CR1L: variants seen among roughly 807,000 people sequenced by gnomAD.
CR1L encodes the protein complement component receptor 1-like protein.
CR1L carries 59 observed loss-of-function variants against 62.3 expected under a neutral mutation model. That is an observed-to-expected ratio of 0.95 (90% confidence interval 0.77 to 1.18). The LOEUF (loss-of-function observed/expected upper bound fraction) is 1.18. Among genes scored for constraint, CR1L ranks in the 50% most tolerant of loss-of-function variants. The probability of loss-of-function intolerance (pLI) is 0.00; values close to 1 mark genes in which losing one functional copy is unlikely to be tolerated. For synonymous variants in CR1L, 279 were observed against 248.7 expected (o/e 1.12, Z -1.15); for missense variants, 700 against 702.8 (o/e 1.00, Z 0.04).
chr1:207,709,992 A>G (rs773086023), intron 10 of CR1L, among the ~76,000 whole-genome samples: 14 of 152,206 alleles, frequency 9.2e-5, no homozygotes, highest in Non-Finnish European at 1.9e-4. Flanking sequence ...GTGAATATTT[A>G]CTTCCGGTAA....
intron 1 of CR1L, among the ~76,000 whole-genome samples, chr1:207,667,472 A>G (rs1219741364): frequency 6.6e-6 from 1 of 152,164 alleles, no homozygotes; most frequent in Non-Finnish European, 1.5e-5. Context: ...GATCCCTGTG[A>G]TCATATCAGG....
chr1:207,721,336 TC>T (rs1352022400), intron 11 of CR1L, among the ~76,000 whole-genome samples: 7 of 84,848 alleles, frequency 8.3e-5, no homozygotes, highest in Non-Finnish European at 1.4e-4. Flanking sequence ...ATTCTATCCC[TC>T]CCCCCTCCCC....
intron 10 of CR1L, among the ~76,000 whole-genome samples, chr1:207,715,603 T>A (rs1199818922): frequency 6.6e-6 from 1 of 152,236 alleles, no homozygotes; most frequent in African/African-American, 2.4e-5. Context: ...AATGACTGTT[T>A]AATTTTGTGG....
Position 207,645,758 on chromosome 1 carries a change from A to G in CR1L, c.97+428A>G, listed in dbSNP as rs536483652. On this transcript the variant is annotated intron_variant, in intron 1 of 11. Transcript: ENST00000508064. The stretch of plus-strand genomic sequence containing the variant: ...GTGTTCCCTTGGTGCCTTGGTGAGT[A>G]GGGTGTTCATTAGGGCTTGGACAGT... Among the ~76,000 whole-genome samples the G allele has an allele frequency of 1.2e-4, 18 of 152,112 alleles. 1 individual carries two copies. The highest frequency in any genetic ancestry group is 3.6e-4 in the African/African-American group (15 of 41,486).
In CR1L at chr1:207,697,675, T is replaced by C; in HGVS notation, c.1035T>C (p.Cys345=). 1 of 1,614,012 alleles carries C rather than the reference T, an allele frequency of 6.2e-7. No homozygotes were observed. The highest frequency in any genetic ancestry group is 8.5e-7 in the Non-Finnish European group (1 of 1,179,890). The change falls in exon 6 of 12, where the codon TGT becomes TGC. Residue 345 remains cysteine (C), a synonymous_variant. Transcript: ENST00000508064. ...QGDWSPAAPR[C]EVKSCDDFLG... ...ACTGGAGCCCTGCAGCCCCCAGATG[T>C]GAAGGTGACTAGACTCTTATCTGGC...
At chr1:207,716,957 T>C (rs1210966259) in intron 10 of CR1L, among the ~76,000 whole-genome samples, 1 of 152,198 alleles carries the variant, frequency 6.6e-6, no homozygotes, top group Non-Finnish European at 1.5e-5. Context: ...CAATGTAGTC[T>C]GATGACACCA....
At chr1:207,723,531 C>A in intron 11 of CR1L, 87 bp from the exon 12 acceptor site, 1 of 1,116,338 alleles carries the variant, frequency 9.0e-7, no homozygotes, top group Non-Finnish European at 1.3e-6. Flanking sequence ...GAATAAAAAT[C>A]AGGATAAATT....
chr1:207,657,203 G>A (rs1663329192), intron 1 of CR1L: 2 of 1,182,176 alleles, frequency 1.7e-6, no homozygotes, highest in Non-Finnish European at 2.5e-6. Flanking sequence ...GTATCTTAAT[G>A]CAGTAACTGA....
intron 10 of CR1L, among the ~76,000 whole-genome samples, chr1:207,716,061 C>T (rs1350811431): frequency 6.6e-6 from 1 of 152,096 alleles, no homozygotes; most frequent in African/African-American, 2.4e-5. Context: ...TTTTAGCCTG[C>T]AGTATTGAAT....
At chr1:207,699,809 G>C (rs1664164086) in intron 8 of CR1L, among the ~76,000 whole-genome samples, 1 of 152,118 alleles carries the variant, frequency 6.6e-6, no homozygotes, top group Admixed American at 6.6e-5. Context: ...CAATGAACAA[G>C]ATGAGTGAAG....
intron 10 of CR1L, among the ~76,000 whole-genome samples, chr1:207,712,773 G>T (rs1664378579): frequency 6.6e-6 from 1 of 152,176 alleles, no homozygotes; most frequent in South Asian, 2.1e-4. Flanking sequence ...GTGAAATCCT[G>T]TGATGACTTC....
chr1:207,663,608 C>T (rs932403096), intron 1 of CR1L, among the ~76,000 whole-genome samples: 2 of 152,212 alleles, frequency 1.3e-5, no homozygotes, highest in Non-Finnish European at 2.9e-5. Flanking sequence ...GGCGATGCCT[C>T]GCCCTGCTTC....
intron 9 of CR1L, 52 bp from the exon 10 acceptor site, chr1:207,708,126 G>A: frequency 1.3e-6 from 2 of 1,544,516 alleles, no homozygotes; most frequent in East Asian, 2.4e-5. Context: ...CATGCTGTCA[G>A]GAAGTTGATG....
chr1:207,669,684 C>G, intron 1 of CR1L: 1 of 619,022 alleles, frequency 1.6e-6, no homozygotes, highest in Non-Finnish European at 2.7e-6. Flanking sequence ...AAAGGCAGCG[C>G]GATGGGTGGG....
chr1:207,711,892 T>A, intron 10 of CR1L, among the ~76,000 whole-genome samples: 1 of 145,054 alleles, frequency 6.9e-6, no homozygotes, highest in Non-Finnish European at 1.5e-5. Context: ...GAGTGAGATA[T>A]CACCTCAAAA....
Position 207,708,214 on chromosome 1 carries a change from C to T in CR1L, c.1365C>T (p.Ile455=), listed in dbSNP as rs1664299854. The change falls in exon 10 of 12, where the codon ATC becomes ATT. Residue 455 remains isoleucine, a synonymous_variant. Coordinates refer to ENST00000508064, the MANE Select transcript of CR1L (RefSeq NM_175710.2). ...TTGGTCACTCATCTGCTGAATGTAT[C>T]CTCTCGGGCAATACTGCCCATTGGA... The part of the protein sequence containing the change: ...RLIGHSSAEC[I]LSGNTAHWSM... 1 of 1,611,494 alleles carries T rather than the reference C, an allele frequency of 6.2e-7. No homozygotes were observed.
intron 1 of CR1L, among the ~76,000 whole-genome samples, chr1:207,659,684 C>G (rs1222725761): frequency 6.6e-6 from 1 of 152,130 alleles, no homozygotes; most frequent in Non-Finnish European, 1.5e-5. Flanking sequence ...GGAGGGCAAG[C>G]TGAAGCAGAG....
intron 3 of CR1L, among the ~76,000 whole-genome samples, chr1:207,680,181 A>C (rs1220740380): frequency 1.3e-5 from 2 of 152,222 alleles, no homozygotes; most frequent in Non-Finnish European, 2.9e-5. Flanking sequence ...AGATGTTTAT[A>C]ATAGGGGAGG....
chr1:207,700,064 A>G lies in CR1L; in HGVS notation c.1228+790A>G, dbSNP rs568611793. ...AATGAGCCTCATATGTTCAATAATC[A>G]GTAGACTACTGATTTCTCCTAGTCT... On this transcript the variant is annotated intron_variant, in intron 8 of 11. Transcript: ENST00000508064. 2.0e-5 allele frequency among the ~76,000 whole-genome samples: 3 copies of G among 152,312 alleles called. No homozygotes were observed. The East Asian group carries it at 5.8e-4, about 29-fold the overall frequency.
Sources: allele counts gnomAD v4.1 joint callset (sites outside exome capture counted in the v4.1 genomes callset), GRCh38; gene constraint gnomAD v4.1.1; transcripts MANE v1.5; gene names NCBI Gene and HGNC (gene_info 2026-07-23, HGNC 2026-07-21).